SNX29: variants seen among roughly 807,000 people sequenced by gnomAD.
SNX29 encodes the protein sorting nexin-29.
SNX29 carries 78 observed loss-of-function variants against 102.1 expected under a neutral mutation model. That is an observed-to-expected ratio of 0.76 (90% confidence interval 0.64 to 0.92). SNX29 has a LOEUF of 0.92. Ranked by LOEUF, SNX29 falls within the 40% of genes least tolerant of loss-of-function variation. SNX29 has a pLI of 0.00. For synonymous variants in SNX29, 580 were observed against 414.5 expected (o/e 1.40, Z -4.85); for missense variants, 1,280 against 1,061.7 (o/e 1.21, Z -2.86).
rs111523406 is a variant in SNX29 at position 12,549,769 on chromosome 16, C to T, written c.2319-18737C>T. 7.1e-4 allele frequency among the ~76,000 whole-genome samples: 108 copies of T among 152,362 alleles called. 1 individual carries two copies. The Middle Eastern group carries it at 0.01, about 14-fold the overall frequency. On this transcript the variant is annotated intron_variant, in intron 20 of 20. Coordinates refer to ENST00000566228, the MANE Select transcript of SNX29 (RefSeq NM_032167.5). ...TACTTTGAGACCTGTTGGTGATTAG[C>T]AGGTGATTTCTACTTGCAGACAAGG...
At position 12,261,097 on chromosome 16, in the gene SNX29, G is replaced by A. The variant is rs9927118; in HGVS notation, c.1679-16836G>A. The stretch of plus-strand genomic sequence containing the variant: ...CTGGCTGGAGTGAGTGTTTGCTGAG[G>A]TGGGATCTGTGCATGAGTCCCCGGC... On this transcript the variant is annotated intron_variant, in intron 14 of 20. Coordinates refer to ENST00000566228, the MANE Select transcript of SNX29 (RefSeq NM_032167.5). Among the ~76,000 whole-genome samples the A allele has an allele frequency of 1.4e-5, 2 of 139,066 alleles. 1 individual carries two copies. The highest frequency in any genetic ancestry group is 1.5e-4 in the Admixed American group (2 of 13,786). 91.2% of individuals were successfully genotyped at this position (139,066 alleles called of 152,430 possible).
At chr16:12,121,344 T>C (rs1295232279) in intron 11 of SNX29, among the ~76,000 whole-genome samples, 1 of 152,230 alleles carries the variant, frequency 6.6e-6, no homozygotes, top group Non-Finnish European at 1.5e-5. Flanking sequence ...CAGAACCCCA[T>C]AGGGGCTCCC....
At chr16:12,538,076 T>G (rs978288513) in intron 20 of SNX29, among the ~76,000 whole-genome samples, 1 of 151,210 alleles carries the variant, frequency 6.6e-6, no homozygotes, top group Non-Finnish European at 1.5e-5. Context: ...AGCTTTCTTC[T>G]CAGTGGGCTA....
chr16:12,191,642 T>G (rs953609543), intron 13 of SNX29, among the ~76,000 whole-genome samples: 2 of 152,194 alleles, frequency 1.3e-5, no homozygotes, highest in Non-Finnish European at 2.9e-5. Context: ...TCTGATGCCT[T>G]AGAAAAGGTG....
At chr16:12,358,863 C>A (rs143448384) in intron 16 of SNX29, among the ~76,000 whole-genome samples, 58 of 152,288 alleles carry the variant, frequency 3.8e-4, no homozygotes, top group African/African-American at 1.3e-3. Flanking sequence ...GTGGAGATTC[C>A]TGGAGGTTGA....
At chr16:12,414,525 G>A (rs765298372) in intron 18 of SNX29, among the ~76,000 whole-genome samples, 1 of 152,114 alleles carries the variant, frequency 6.6e-6, no homozygotes, top group African/African-American at 2.4e-5. Flanking sequence ...TGAAGAAGAG[G>A]AACTTGCTAA....
At chr16:12,385,837 A>G (rs888180217) in intron 16 of SNX29, among the ~76,000 whole-genome samples, 3 of 152,216 alleles carry the variant, frequency 2.0e-5, no homozygotes, top group Admixed American at 6.5e-5. Flanking sequence ...ATTGTTGGAA[A>G]ACGGGGCGGC....
intron 9 of SNX29, 130 bp downstream of exon 9, chr16:12,061,776 G>T: frequency 1.4e-6 from 1 of 711,326 alleles, no homozygotes; most frequent in East Asian, 2.7e-5. Flanking sequence ...GTGGTTCAGG[G>T]CCAGGGGGAG....
intron 3 of SNX29, among the ~76,000 whole-genome samples, chr16:12,012,686 C>A (rs1246693899): frequency 6.6e-6 from 1 of 152,056 alleles, no homozygotes; most frequent in Non-Finnish European, 1.5e-5. Flanking sequence ...GGATTACAGG[C>A]GTGAGCCACC....
At chr16:12,473,619 G>A (rs7189759) in intron 18 of SNX29, among the ~76,000 whole-genome samples, 28,691 of 152,078 alleles carry the variant, frequency 0.19, 3,602 homozygotes, top group African/African-American at 0.36. Flanking sequence ...CTGCATTTTC[G>A]GACGGTTAGG....
rs117801997 is a variant in SNX29, at chr16:12,564,252, C to T, written c.2319-4254C>T. 6.0e-4 allele frequency among the ~76,000 whole-genome samples: 92 copies of T among 152,256 alleles called. 3 individuals carry two copies. The East Asian group carries it at 0.016, about 26-fold the overall frequency. On this transcript the variant is annotated intron_variant, in intron 20 of 20. Coordinates refer to ENST00000566228, the MANE Select transcript of SNX29 (RefSeq NM_032167.5). ...AGAGAAAAAAATCTCTACTCAGTTC[C>T]TTTGGTATATTAGATGCCTCTACCA... is the stretch of plus-strand genomic sequence containing the variant.
chr16:11,986,926 AC>A (rs2055651917), intron 1 of SNX29, among the ~76,000 whole-genome samples: 1 of 151,838 alleles, frequency 6.6e-6, no homozygotes, highest in Admixed American at 6.6e-5. Flanking sequence ...TAGTTGACTG[AC>A]CCCTACACTA....
At chr16:12,558,115 A>G (rs2078486054) in intron 20 of SNX29, among the ~76,000 whole-genome samples, 1 of 152,198 alleles carries the variant, frequency 6.6e-6, no homozygotes, top group African/African-American at 2.4e-5. Flanking sequence ...TGAGAATTAG[A>G]AGACCAGCAG....
chr16:11,989,497 T>G (rs914176229), intron 1 of SNX29, among the ~76,000 whole-genome samples: 1 of 152,184 alleles, frequency 6.6e-6, no homozygotes, highest in African/African-American at 2.4e-5. Flanking sequence ...GGAGAACGAT[T>G]GTCCATTTTA....
At chr16:12,053,908 C>T (rs538812210) in intron 8 of SNX29, among the ~76,000 whole-genome samples, 1 of 152,114 alleles carries the variant, frequency 6.6e-6, no homozygotes, top group South Asian at 2.1e-4. Context: ...TTTGTGAAAG[C>T]CATTGGCTAA....
intron 18 of SNX29, among the ~76,000 whole-genome samples, chr16:12,411,069 A>T (rs1385806540): frequency 1.3e-5 from 2 of 152,208 alleles, no homozygotes; most frequent in African/African-American, 4.8e-5. Context: ...CAGAAATGGG[A>T]ACTGCAGCTG....
intron 14 of SNX29, among the ~76,000 whole-genome samples, chr16:12,210,894 C>A (rs1232530119): frequency 6.6e-6 from 1 of 152,134 alleles, no homozygotes; most frequent in Middle Eastern, 3.2e-3. Flanking sequence ...AACAGGAGAC[C>A]TCATCGTTGC....
intron 20 of SNX29, among the ~76,000 whole-genome samples, chr16:12,560,519 C>T (rs781107846): frequency 1.3e-5 from 2 of 152,180 alleles, no homozygotes; most frequent in Admixed American, 6.5e-5. Context: ...TGCCCTCCAC[C>T]TTCCAAGACC....
chr16:12,019,621 T>TAGATAGAG (rs1016504282), intron 3 of SNX29, among the ~76,000 whole-genome samples: 1 of 150,946 alleles, frequency 6.6e-6, no homozygotes, highest in Non-Finnish European at 1.5e-5. Context: ...GATAGATAGA[T>TAGATAGAG]AGATATAGAT....
Sources: allele counts gnomAD v4.1 joint callset (sites outside exome capture counted in the v4.1 genomes callset), GRCh38; gene constraint gnomAD v4.1.1; transcripts MANE v1.5; gene names NCBI Gene and HGNC (gene_info 2026-07-23, HGNC 2026-07-21).